The following PARVA variants were observed in gnomAD, a reference collection of about 807,000 sequenced individuals.
The protein encoded by PARVA is parvin alpha.
A neutral mutation model predicts 52.6 loss-of-function variants in PARVA; 25 were observed. The ratio of observed to expected loss-of-function variants is 0.48; its 90% confidence interval spans 0.35 to 0.66. PARVA has a LOEUF of 0.66. Ranked by LOEUF, PARVA falls within the 30% of genes least tolerant of loss-of-function variation. The pLI is 0.01. For synonymous variants in PARVA, 185 were observed against 179.1 expected, an observed-to-expected ratio of 1.03 and a Z score of -0.26; for missense variants, 373 against 450.9, an observed-to-expected ratio of 0.83 and a Z score of 1.56.
intron 1 of PARVA, among the ~76,000 whole-genome samples, chr11:12,385,860 A>G (rs1169706751): frequency 1.3e-5 from 2 of 152,220 alleles, no homozygotes; most frequent in Non-Finnish European, 2.9e-5. Context: ...GCTGTACAAA[A>G]TAGATGGCAG....
intron 1 of PARVA, among the ~76,000 whole-genome samples, chr11:12,405,589 A>G (rs893403050): frequency 6.6e-6 from 1 of 152,118 alleles, no homozygotes; most frequent in Non-Finnish European, 1.5e-5. Flanking sequence ...AAGACAAAAA[A>G]TAAACCATAG....
At chr11:12,453,115 C>T (rs948797888) in intron 1 of PARVA, 24 of 446,094 alleles carry the variant, frequency 5.4e-5, no homozygotes, top group Non-Finnish European at 8.6e-5. Context: ...CCTCCCAGCT[C>T]GTCTCTGGGG....
Position 12,473,843 on chromosome 11 carries a change from G to A in PARVA, c.226+9G>A. The A allele has an allele frequency of 6.4e-7, 1 of 1,566,670 alleles. No individual in the cohort carries two copies. Among genetic ancestry groups the A allele is most frequent in the Non-Finnish European group, 8.7e-7 (1 of 1,154,740 alleles). ...CGAGGACACGATGCTGGGTAACTGTGCTCTTGTCTCTGAATTCGCTTAAGC... is the reference window on the plus strand; with the variant it reads ...CGAGGACACGATGCTGGGTAACTGTACTCTTGTCTCTGAATTCGCTTAAGC... On this transcript the variant is annotated intron_variant, in intron 2 of 12. Transcript: ENST00000334956.
intron 1 of PARVA, among the ~76,000 whole-genome samples, chr11:12,437,324 C>T (rs974157539): frequency 2.0e-5 from 3 of 152,134 alleles, no homozygotes; most frequent in East Asian, 3.9e-4. Context: ...TCTGTGAAGC[C>T]CAACTCCTGG....
chr11:12,533,277 C>T lies in PARVA; in HGVS notation c.*5352C>T, dbSNP rs1333429280. The stretch of plus-strand genomic sequence containing the variant: ...GCTGATCCATGGAGACCAGTGCTTC[C>T]AGCCCTCTCACCTCGGAGGAGGACT... On this transcript the variant is annotated 3_prime_UTR_variant, in exon 13 of 13. Coordinates refer to ENST00000334956, the MANE Select transcript of PARVA (RefSeq NM_018222.5). Among the ~76,000 whole-genome samples the T allele has an allele frequency of 6.6e-6, 1 of 152,224 alleles. No homozygotes were observed. Among genetic ancestry groups the T allele is most frequent in the African/African-American group, 2.4e-5 (1 of 41,462 alleles).
At chr11:12,407,410 A>G (rs1939928227) in intron 1 of PARVA, among the ~76,000 whole-genome samples, 1 of 152,208 alleles carries the variant, frequency 6.6e-6, no homozygotes, top group Non-Finnish European at 1.5e-5. Flanking sequence ...GTACACTGCT[A>G]TTCTTTGGAG....
intron 1 of PARVA, among the ~76,000 whole-genome samples, chr11:12,388,220 G>A (rs939453797): frequency 6.6e-6 from 1 of 152,220 alleles, no homozygotes; most frequent in Non-Finnish European, 1.5e-5. Flanking sequence ...GTTAATTGCA[G>A]CTGCTTAATT....
intron 1 of PARVA, among the ~76,000 whole-genome samples, chr11:12,437,592 ATGAAT>A (rs1364368567): frequency 2.6e-5 from 4 of 152,228 alleles, no homozygotes; most frequent in Admixed American, 2.0e-4. Flanking sequence ...GTTTGTTCAC[ATGAAT>A]TGAATTAAGA....
Position 12,529,256 on chromosome 11 carries a change from G to A in PARVA, c.*1331G>A, listed in dbSNP as rs1242920066. 1.3e-5 allele frequency: 2 copies of A among 152,164 alleles called. No individual in the cohort carries two copies. Among genetic ancestry groups the A allele is most frequent in the African/African-American group, 4.8e-5 (2 of 41,432 alleles). 9.4% of individuals were successfully genotyped at this position (152,164 alleles called of 1,614,324 possible). ...TTGTGGTTACTTGTATCTCCTCTAT[G>A]TGAACTTGACTTTGAAAGACAGAGC... On this transcript the variant is annotated 3_prime_UTR_variant, in exon 13 of 13. Transcript: ENST00000334956.
intron 1 of PARVA, among the ~76,000 whole-genome samples, chr11:12,432,841 C>G (rs1029812479): frequency 1.1e-4 from 17 of 152,156 alleles, no homozygotes; most frequent in African/African-American, 3.9e-4. Context: ...CTATCATGAC[C>G]TCTGAAAATC....
intron 1 of PARVA, among the ~76,000 whole-genome samples, chr11:12,431,348 C>A (rs1940313383): frequency 6.6e-6 from 1 of 152,220 alleles, no homozygotes; most frequent in Non-Finnish European, 1.5e-5. Context: ...GGCCTTGAGC[C>A]ACTTAACACC....
At chr11:12,500,706 G>C (rs955354618) in intron 5 of PARVA, among the ~76,000 whole-genome samples, 9 of 151,666 alleles carry the variant, frequency 5.9e-5, no homozygotes, top group Non-Finnish European at 2.9e-5. Flanking sequence ...CAGGAGATTC[G>C]CTTGAACCCA....
intron 1 of PARVA, among the ~76,000 whole-genome samples, chr11:12,386,129 A>G (rs934578966): frequency 6.6e-6 from 1 of 152,120 alleles, no homozygotes; most frequent in African/African-American, 2.4e-5. Context: ...CCCATTCTTC[A>G]TCCTTTTGCC....
chr11:12,518,787 G>A (rs1589990267), intron 12 of PARVA, among the ~76,000 whole-genome samples: 1 of 152,230 alleles, frequency 6.6e-6, no homozygotes, highest in Non-Finnish European at 1.5e-5. Context: ...GAACTGCCCT[G>A]TGCCCAATTT....
At chr11:12,489,287 C>T (rs1335156982) in intron 4 of PARVA, among the ~76,000 whole-genome samples, 1 of 151,848 alleles carries the variant, frequency 6.6e-6, no homozygotes, top group Non-Finnish European at 1.5e-5. Flanking sequence ...ACTATTAAGA[C>T]TGGAAGGTAG....
At chr11:12,409,303 C>T (rs1472679114) in intron 1 of PARVA, among the ~76,000 whole-genome samples, 1 of 152,148 alleles carries the variant, frequency 6.6e-6, no homozygotes, top group Non-Finnish European at 1.5e-5. Context: ...ATGGTTATCT[C>T]CTACAGTTTG....
At chr11:12,482,972 G>T (rs1941108425) in intron 4 of PARVA, among the ~76,000 whole-genome samples, 1 of 152,224 alleles carries the variant, frequency 6.6e-6, no homozygotes, top group Non-Finnish European at 1.5e-5. Flanking sequence ...CTGAACAGGT[G>T]AGCGTCCTTG....
chr11:12,406,678 T>G (rs887518603), intron 1 of PARVA, among the ~76,000 whole-genome samples: 2 of 139,074 alleles, frequency 1.4e-5, no homozygotes, highest in African/African-American at 5.5e-5. Context: ...TTTTTTTTTT[T>G]TTTTTTTTTT....
rs564081174 is a variant in PARVA at position 12,440,409 on chromosome 11, G to T, written c.137-33336G>T. On this transcript the variant is annotated intron_variant, in intron 1 of 12. Coordinates refer to ENST00000334956, the MANE Select transcript of PARVA (RefSeq NM_018222.5). ...TGGGACTTCTCTCCTTCCCACTGGG[G>T]CCTGGCCACATTTGGGTTCCTGTGC... is the stretch of plus-strand genomic sequence containing the variant. 2.6e-5 allele frequency among the ~76,000 whole-genome samples: 4 copies of T among 152,310 alleles called. No individual in the cohort carries two copies. The East Asian group carries it at 7.7e-4, about 29-fold the overall frequency.
Sources: gnomAD v4.1 joint callset for allele counts (sites outside exome capture counted in the v4.1 genomes callset) on GRCh38, gnomAD v4.1.1 for gene constraint, MANE v1.5 for transcripts, NCBI Gene and HGNC (gene_info 2026-07-23, HGNC 2026-07-21) for gene names.